RHBDL2: variants seen among roughly 807,000 people sequenced by gnomAD.
The protein encoded by RHBDL2 is rhomboid-related protein 2.
RHBDL2 carries 26 observed loss-of-function variants against 31.7 expected under a neutral mutation model. That is an observed-to-expected ratio of 0.82 (90% CI 0.60 to 1.14). The LOEUF is 1.14. RHBDL2 is among the 50% of genes most tolerant of loss of function. The pLI, the probability that RHBDL2 is intolerant of heterozygous loss-of-function variation, is 0.00. For synonymous variants in RHBDL2, 123 were observed against 127.2 expected (o/e 0.97, Z 0.22); for missense variants, 336 against 364.4 (o/e 0.92, Z 0.63).
intron 3 of RHBDL2, among the ~76,000 whole-genome samples, chr1:38,911,772 T>C (rs1313790271): frequency 6.6e-6 from 1 of 151,902 alleles, no homozygotes; most frequent in East Asian, 1.9e-4. Flanking sequence ...CCCAAGTAGC[T>C]GGGACTACAG....
In RHBDL2 at chr1:38,923,584, G is replaced by A. The variant is rs558007526; in HGVS notation, c.-125-4247C>T. Reference sequence around the variant, plus strand: ...CTATAGGTCAAACTTGGGATACAGCGTTCAGAAACACACGTCAGATTACCA... The same window carrying A: ...CTATAGGTCAAACTTGGGATACAGCATTCAGAAACACACGTCAGATTACCA... On this transcript the variant is annotated intron_variant, in intron 1 of 7. Coordinates refer to ENST00000372990, the MANE Select transcript of RHBDL2 (RefSeq NM_017821.5). 2.2e-4 allele frequency among the ~76,000 whole-genome samples: 33 copies of A among 152,298 alleles called. 1 individual carries two copies. The highest frequency in any genetic ancestry group is 6.0e-4 in the African/African-American group (25 of 41,572).
At chr1:38,903,299 C>A (rs1414267117) in intron 4 of RHBDL2, among the ~76,000 whole-genome samples, 1 of 151,818 alleles carries the variant, frequency 6.6e-6, no homozygotes, top group African/African-American at 2.4e-5. Flanking sequence ...ACCACCACAC[C>A]CAGCTAATTT....
At chr1:38,926,018 C>T (rs1643370799) in intron 1 of RHBDL2, 2 of 1,264,020 alleles carry the variant, frequency 1.6e-6, no homozygotes, top group Middle Eastern at 2.2e-4. Flanking sequence ...ACAACATGTA[C>T]GTAGTCGTCA....
intron 6 of RHBDL2, among the ~76,000 whole-genome samples, chr1:38,890,399 C>T (rs529405605): frequency 1.3e-5 from 2 of 152,324 alleles, no homozygotes; most frequent in African/African-American, 4.8e-5. Flanking sequence ...TTTTAAAAAA[C>T]ACTGCCACAT....
At chr1:38,923,066 G>A (rs1643334114) in intron 1 of RHBDL2, among the ~76,000 whole-genome samples, 1 of 151,800 alleles carries the variant, frequency 6.6e-6, no homozygotes, top group African/African-American at 2.4e-5. Context: ...CTCAACCCTG[G>A]GCGACAAGAG....
intron 2 of RHBDL2, 75 bp downstream of exon 2, chr1:38,918,892 T>A: frequency 6.5e-7 from 1 of 1,545,108 alleles, no homozygotes; most frequent in Non-Finnish European, 8.8e-7. Context: ...CTTCTCTAGA[T>A]CTAGATCTGA....
Position 38,911,649 on chromosome 1 carries a change from C to CGT in RHBDL2, c.396-216_396-215insAC, listed in dbSNP as rs1485394808. 4.5e-5 allele frequency among the ~76,000 whole-genome samples: 6 copies of CGT among 134,624 alleles called. No individual in the cohort carries two copies. In the East Asian group the frequency reaches 1.0e-3, roughly 23 times the overall value. 88.3% of individuals were successfully genotyped at this position (134,624 alleles called of 152,430 possible). On this transcript the variant is annotated intron_variant, in intron 3 of 7. Coordinates refer to ENST00000372990, the MANE Select transcript of RHBDL2 (RefSeq NM_017821.5). Reference sequence around the variant, plus strand: ...GTGTGTGTGTGTGTGTGTGTGTGCGCGCGCGCGCGCGTGTGTGACTTGCTG... The same window carrying CGT: ...GTGTGTGTGTGTGTGTGTGTGTGCGCGTGCGCGCGCGCGTGTGTGACTTGCTG...
chr1:38,887,091 A>ACAGAAAC (rs1491487876), intron 7 of RHBDL2, among the ~76,000 whole-genome samples: 2,785 of 152,336 alleles, frequency 0.018, 93 homozygotes, highest in African/African-American at 0.063. Flanking sequence ...TACACAAGAA[A>ACAGAAAC]TACCCAAACA....
intron 6 of RHBDL2, 61 bp from the exon 7 acceptor site, chr1:38,888,085 T>C (rs1570909448): frequency 3.6e-6 from 4 of 1,103,554 alleles, no homozygotes; most frequent in Non-Finnish European, 5.4e-6. Flanking sequence ...CCAAATGTTT[T>C]TGGTTCCCCT....
chr1:38,937,603 A>G (rs1045558471), intron 1 of RHBDL2, among the ~76,000 whole-genome samples: 5 of 152,128 alleles, frequency 3.3e-5, no homozygotes, highest in African/African-American at 1.2e-4. Flanking sequence ...ACCACTGGCT[A>G]GTTTGACACA....
At chr1:38,938,687 A>T (rs1297088722) in intron 1 of RHBDL2, among the ~76,000 whole-genome samples, 1 of 152,172 alleles carries the variant, frequency 6.6e-6, no homozygotes, top group Non-Finnish European at 1.5e-5. Flanking sequence ...GTCCTTTACA[A>T]CTCCTCTGCA....
intron 1 of RHBDL2, among the ~76,000 whole-genome samples, chr1:38,939,780 A>T (rs982435781): frequency 6.6e-6 from 1 of 152,086 alleles, no homozygotes; most frequent in African/African-American, 2.4e-5. Context: ...GGACTCAAGC[A>T]ATTCTCCCAC....
chr1:38,921,005 T>G (rs1018561225), intron 1 of RHBDL2, among the ~76,000 whole-genome samples: 5 of 152,182 alleles, frequency 3.3e-5, no homozygotes, highest in African/African-American at 1.2e-4. Context: ...AATTCTATGT[T>G]TAACTTGTTG....
intron 4 of RHBDL2, among the ~76,000 whole-genome samples, chr1:38,910,004 T>A (rs1643118897): frequency 1.3e-5 from 2 of 152,206 alleles, no homozygotes; most frequent in South Asian, 4.1e-4. Context: ...TTTTATGGAA[T>A]GAATACTGGG....
At chr1:38,895,934 A>T in intron 5 of RHBDL2, 35 bp downstream of exon 5, 1 of 1,367,294 alleles carries the variant, frequency 7.3e-7, no homozygotes, top group Non-Finnish European at 1.0e-6. Flanking sequence ...CTGTTTTTTT[A>T]AGAGACTCGT....
At chr1:38,920,029 A>G (rs1462182811) in intron 1 of RHBDL2, among the ~76,000 whole-genome samples, 2 of 152,160 alleles carry the variant, frequency 1.3e-5, no homozygotes, top group Non-Finnish European at 2.9e-5. Flanking sequence ...CTCTTACCAC[A>G]GTCCCTGGCA....
At chr1:38,938,050 C>T (rs1346863937) in intron 1 of RHBDL2, among the ~76,000 whole-genome samples, 1 of 151,726 alleles carries the variant, frequency 6.6e-6, no homozygotes, top group African/African-American at 2.4e-5. Context: ...CAGTGTCTCA[C>T]TCTGTTGCCC....
intron 1 of RHBDL2, among the ~76,000 whole-genome samples, chr1:38,928,394 G>C (rs1403565506): frequency 6.6e-6 from 1 of 151,834 alleles, no homozygotes; most frequent in African/African-American, 2.4e-5. Context: ...CACCCGCCTC[G>C]GGCTCCCAAA....
In RHBDL2 at chr1:38,911,316, A is replaced by G. The variant is rs767705856; in HGVS notation, c.508+6T>C. Reference sequence around the variant, plus strand: ...TATTGATTCTGTGTTACCTCAGAACACTGACCTGCAATCACTCCTGCCAGG... The same window carrying G: ...TATTGATTCTGTGTTACCTCAGAACGCTGACCTGCAATCACTCCTGCCAGG... On this transcript the variant is annotated splice_donor_region_variant and intron_variant, in intron 4 of 7. Coordinates refer to ENST00000372990, the MANE Select transcript of RHBDL2 (RefSeq NM_017821.5). 5 of 1,589,066 alleles carry G rather than the reference A, an allele frequency of 3.1e-6. No individual in the cohort carries two copies. The highest frequency in any genetic ancestry group is 1.7e-4 in the Middle Eastern group (1 of 6,008).
Sources: gnomAD v4.1 joint callset for allele counts (sites outside exome capture counted in the v4.1 genomes callset) on GRCh38, gnomAD v4.1.1 for gene constraint, MANE v1.5 for transcripts, NCBI Gene and HGNC (gene_info 2026-07-23, HGNC 2026-07-21) for gene names.